Variants in EPHA5 observed in about 807,000 individuals in gnomAD.
EPHA5 encodes the protein ephrin type-A receptor 5.
EPHA5 carries 60 observed loss-of-function variants against 105.0 expected under a neutral mutation model. That is an observed-to-expected ratio of 0.57 (90% CI 0.46 to 0.71). The LOEUF (loss-of-function observed/expected upper bound fraction) is 0.71, where lower values mean the gene tolerates loss of function less well. EPHA5 is among the 30% of genes least tolerant of loss of function. EPHA5 has a pLI of 0.00. For synonymous variants in EPHA5, 513 were observed against 449.1 expected, an observed-to-expected ratio of 1.14 and a Z score of -1.80; for missense variants, 1,218 against 1,274.7, an observed-to-expected ratio of 0.96 and a Z score of 0.68.
chr4:65,616,162 CTGAG>C (rs1320273474), intron 2 of EPHA5, among the ~76,000 whole-genome samples: 6 of 151,866 alleles, frequency 4.0e-5, no homozygotes, highest in African/African-American at 1.4e-4. Flanking sequence ...GGGAATTATG[CTGAG>C]TGAGAAAAAT....
intron 8 of EPHA5, among the ~76,000 whole-genome samples, chr4:65,376,145 T>A (rs1718980912): frequency 6.6e-6 from 1 of 151,952 alleles, no homozygotes; most frequent in African/African-American, 2.4e-5. Flanking sequence ...AGAGAATACA[T>A]CTAACAATTT....
chr4:65,462,738 T>C (rs1728247104), intron 5 of EPHA5, among the ~76,000 whole-genome samples: 1 of 152,180 alleles, frequency 6.6e-6, no homozygotes, highest in Non-Finnish European at 1.5e-5. Flanking sequence ...ATAGAATTTA[T>C]ACATCCCTTC....
intron 16 of EPHA5, among the ~76,000 whole-genome samples, chr4:65,328,492 C>T (rs1720292573): frequency 6.6e-6 from 1 of 151,152 alleles, no homozygotes; most frequent in Non-Finnish European, 1.5e-5. Flanking sequence ...ATTCTTCTCC[C>T]TTCTACTTTA....
At chr4:65,520,426 A>T (rs530206049) in intron 3 of EPHA5, among the ~76,000 whole-genome samples, 67 of 152,348 alleles carry the variant, frequency 4.4e-4, no homozygotes, top group African/African-American at 1.5e-3. Context: ...TAAAAACCCT[A>T]GAAGAAAACC....
chr4:65,436,566 A>T (rs933722205), intron 5 of EPHA5, among the ~76,000 whole-genome samples: 2 of 152,016 alleles, frequency 1.3e-5, no homozygotes, highest in Non-Finnish European at 2.9e-5. Context: ...ACTAATTGGT[A>T]CCACATGCAC....
chr4:65,377,833 G>T (rs776993292), intron 8 of EPHA5, among the ~76,000 whole-genome samples: 2 of 151,862 alleles, frequency 1.3e-5, no homozygotes, highest in Non-Finnish European at 2.9e-5. Flanking sequence ...ACTGGTGGCA[G>T]AATAAAAGAC....
chr4:65,609,762 C>A (rs1271943547), intron 2 of EPHA5, among the ~76,000 whole-genome samples: 1 of 149,924 alleles, frequency 6.7e-6, no homozygotes, highest in African/African-American at 2.5e-5. Context: ...ATGGAAAAAT[C>A]AAAAGTAGCA....
At chr4:65,353,437 A>G (rs1723017995) in intron 11 of EPHA5, among the ~76,000 whole-genome samples, 1 of 150,746 alleles carries the variant, frequency 6.6e-6, no homozygotes, top group African/African-American at 2.4e-5. Context: ...ATGATATCTT[A>G]GTGTTATGGT....
intron 8 of EPHA5, among the ~76,000 whole-genome samples, chr4:65,387,271 C>T (rs28488607): frequency 0.17 from 25,175 of 151,714 alleles, 2,526 homozygotes; most frequent in African/African-American, 0.27. Flanking sequence ...GAGCTGGGGG[C>T]GCTGTCCAAA....
chr4:65,355,561 G>C (rs145413097), intron 11 of EPHA5, among the ~76,000 whole-genome samples: 193 of 151,516 alleles, frequency 1.3e-3, no homozygotes, highest in African/African-American at 4.4e-3. Flanking sequence ...ATATTCATCT[G>C]AAGTCCTGTT....
At chr4:65,465,487 GAAA>G (rs1728561152) in intron 5 of EPHA5, among the ~76,000 whole-genome samples, 1 of 83,394 alleles carries the variant, frequency 1.2e-5, no homozygotes, top group African/African-American at 4.4e-5. Context: ...AAGAAAGAAA[GAAA>G]GAAAGAAAGA....
At position 65,389,235 on chromosome 4, in the gene EPHA5, T is replaced by A. The variant is rs1720460298; in HGVS notation, c.1793+15139A>T. On this transcript the variant is annotated intron_variant, in intron 8 of 16. Transcript: ENST00000613740. Reference sequence around the variant, plus strand: ...AATAGTTATACTGAACTTTGCATCCTTAAAAATATAGCATTGTGGTGCTGG... The same window carrying A: ...AATAGTTATACTGAACTTTGCATCCATAAAAATATAGCATTGTGGTGCTGG... Among the ~76,000 whole-genome samples the A allele has an allele frequency of 3.3e-5, 5 of 152,202 alleles. No individual in the cohort carries two copies. The South Asian group carries it at 1.0e-3, about 31-fold the overall frequency.
intron 8 of EPHA5, among the ~76,000 whole-genome samples, chr4:65,371,936 T>C (rs1045908468): frequency 2.0e-5 from 3 of 152,016 alleles, no homozygotes; most frequent in African/African-American, 4.8e-5. Flanking sequence ...GTATTGTTTC[T>C]CTATTTTCCA....
At chr4:65,480,452 AAGATCTTG>A (rs1285678618) in intron 5 of EPHA5, among the ~76,000 whole-genome samples, 2 of 152,192 alleles carry the variant, frequency 1.3e-5, no homozygotes, top group African/African-American at 4.8e-5. Flanking sequence ...GGGCCCAGGC[AAGATCTTG>A]ATTCAAATAG....
intron 2 of EPHA5, among the ~76,000 whole-genome samples, chr4:65,602,822 A>T (rs1273905316): frequency 6.6e-6 from 1 of 152,196 alleles, no homozygotes; most frequent in Admixed American, 6.5e-5. Context: ...GTCATGTCAC[A>T]AATAACACAC....
chr4:65,381,318 T>A (rs1719538678), intron 8 of EPHA5, among the ~76,000 whole-genome samples: 1 of 151,640 alleles, frequency 6.6e-6, no homozygotes, highest in Admixed American at 6.6e-5. Flanking sequence ...TAGGTAAAAA[T>A]CGGTGTGAAG....
At chr4:65,591,272 G>T (rs1324611019) in intron 3 of EPHA5, among the ~76,000 whole-genome samples, 1 of 151,898 alleles carries the variant, frequency 6.6e-6, no homozygotes, top group East Asian at 1.9e-4. Flanking sequence ...TTCATTTTTA[G>T]TACTATGAAG....
At chr4:65,465,170 G>T (rs1333479916) in intron 5 of EPHA5, among the ~76,000 whole-genome samples, 1 of 152,004 alleles carries the variant, frequency 6.6e-6, no homozygotes, top group Admixed American at 6.6e-5. Context: ...AGGAGCGGTG[G>T]CTCACACCTG....
At chr4:65,428,676 T>C (rs1560527108) in intron 5 of EPHA5, among the ~76,000 whole-genome samples, 1 of 152,106 alleles carries the variant, frequency 6.6e-6, no homozygotes, top group Non-Finnish European at 1.5e-5. Flanking sequence ...TCAGTATAGT[T>C]TGGTTTTTTT....
Sources: gnomAD v4.1 joint callset for allele counts (sites outside exome capture counted in the v4.1 genomes callset) on GRCh38, gnomAD v4.1.1 for gene constraint, MANE v1.5 for transcripts, NCBI Gene and HGNC (gene_info 2026-07-23, HGNC 2026-07-21) for gene names.